The following TPP2 variants were observed in gnomAD, a reference collection of about 807,000 sequenced individuals.
TPP2 encodes the protein tripeptidyl peptidase 2, also known as tripeptidyl-peptidase 2.
TPP2 carries 34 observed loss-of-function variants against 155.9 expected under a neutral mutation model. The ratio of observed to expected loss-of-function variants is 0.22; its 90% confidence interval spans 0.17 to 0.29. The LOEUF is 0.29. Among genes scored for constraint, TPP2 ranks in the 10% least tolerant of loss-of-function variants. The probability of loss-of-function intolerance (pLI) is 1.00; values close to 1 mark genes in which losing one functional copy is unlikely to be tolerated. For missense variants in TPP2, 1,028 were observed against 1,522.3 expected (o/e 0.68, Z 5.40); for synonymous variants, 510 against 529.4 (o/e 0.96, Z 0.50).
At chr13:102,600,019 A>G (rs1879305027) in intron 1 of TPP2, among the ~76,000 whole-genome samples, 1 of 150,994 alleles carries the variant, frequency 6.6e-6, no homozygotes, top group Non-Finnish European at 1.5e-5. Context: ...TTATACCCTC[A>G]TTTAAAACAA....
chr13:102,658,178 C>G (rs1261019026), intron 25 of TPP2, among the ~76,000 whole-genome samples: 2 of 152,160 alleles, frequency 1.3e-5, no homozygotes, highest in Admixed American at 1.3e-4. Flanking sequence ...CTTTTTCCAT[C>G]TGTTATGCAA....
At chr13:102,635,765 T>TCTCAA in intron 12 of TPP2, 63 bp downstream of exon 12, 2 of 1,242,346 alleles carry the variant, frequency 1.6e-6, no homozygotes, top group Non-Finnish European at 2.3e-6. Context: ...TTAGATATTA[T>TCTCAA]TGGGTAATAT....
intron 6 of TPP2, 41 bp from the exon 7 acceptor site, chr13:102,626,971 C>T (rs754793361): frequency 8.9e-6 from 13 of 1,457,600 alleles, no homozygotes; most frequent in Non-Finnish European, 1.1e-5. Flanking sequence ...ACTTTCAGTC[C>T]ATGAGAATGT....
chr13:102,670,824 T>C (rs1307124108), intron 27 of TPP2, among the ~76,000 whole-genome samples: 1 of 152,196 alleles, frequency 6.6e-6, no homozygotes, highest in Non-Finnish European at 1.5e-5. Context: ...TACTGACCGG[T>C]AAGTTAGAAT....
At chr13:102,629,948 C>T (rs1806593253) in intron 9 of TPP2, 148 bp from the exon 10 acceptor site, 6 of 667,726 alleles carry the variant, frequency 9.0e-6, no homozygotes, top group Non-Finnish European at 1.2e-5. Flanking sequence ...AGTAGACTTT[C>T]CTTGTTTCCT....
chr13:102,650,091 G>A (rs1196937254), intron 23 of TPP2, among the ~76,000 whole-genome samples: 1 of 151,958 alleles, frequency 6.6e-6, no homozygotes, highest in Non-Finnish European at 1.5e-5. Context: ...TTGTACTTTA[G>A]ACATATATGT....
chr13:102,636,196 A>G (rs1161797506), intron 12 of TPP2, 28 bp from the exon 13 acceptor site: 2 of 1,566,720 alleles, frequency 1.3e-6, no homozygotes, highest in Non-Finnish European at 8.6e-7. Flanking sequence ...AACCATTTAT[A>G]TCTTACCATG....
At chr13:102,607,161 T>G (rs1030526506) in intron 2 of TPP2, among the ~76,000 whole-genome samples, 48 of 152,154 alleles carry the variant, frequency 3.2e-4, no homozygotes, top group Admixed American at 1.3e-3. Context: ...CCTAGAACTA[T>G]GAAAAAATAA....
chr13:102,625,507 C>G (rs563029565), intron 6 of TPP2, among the ~76,000 whole-genome samples: 1 of 152,156 alleles, frequency 6.6e-6, no homozygotes, highest in South Asian at 2.1e-4. Flanking sequence ...GGGCTGTACC[C>G]TTTTCACTCC....
chr13:102,601,138 G>A (rs1299428581), intron 1 of TPP2, among the ~76,000 whole-genome samples: 4 of 152,082 alleles, frequency 2.6e-5, no homozygotes, highest in Non-Finnish European at 5.9e-5. Flanking sequence ...GTCCTGTTTT[G>A]TCATCATCTC....
chr13:102,638,178 T>G, intron 14 of TPP2, 61 bp from the exon 15 acceptor site: 2 of 1,492,196 alleles, frequency 1.3e-6, no homozygotes, highest in Non-Finnish European at 1.9e-6. Context: ...AGTTTAGACC[T>G]TCCCCCGCTC....
At chr13:102,621,166 G>T (rs1215977438) in intron 5 of TPP2, among the ~76,000 whole-genome samples, 1 of 152,168 alleles carries the variant, frequency 6.6e-6, no homozygotes, top group African/African-American at 2.4e-5. Context: ...TTGATGTGTT[G>T]GTTGTATTGT....
chr13:102,654,584 C>T (rs1883726304), intron 24 of TPP2, among the ~76,000 whole-genome samples: 1 of 152,050 alleles, frequency 6.6e-6, no homozygotes, highest in Non-Finnish European at 1.5e-5. Context: ...GGAGGAAGTG[C>T]CTCACAACAC....
At chr13:102,626,417 TG>T (rs1881628381) in intron 6 of TPP2, among the ~76,000 whole-genome samples, 1 of 152,242 alleles carries the variant, frequency 6.6e-6, no homozygotes, top group African/African-American at 2.4e-5. Flanking sequence ...AATCTTGTGG[TG>T]GTTTTTAAGT....
intron 1 of TPP2, among the ~76,000 whole-genome samples, chr13:102,598,318 A>G (rs1282993905): frequency 3.3e-5 from 5 of 152,088 alleles, no homozygotes; most frequent in South Asian, 4.2e-4. Flanking sequence ...CCTCCCCACA[A>G]TGTCCCTTCC....
chr13:102,602,557 A>T (rs1352612119), intron 1 of TPP2, among the ~76,000 whole-genome samples: 1 of 152,220 alleles, frequency 6.6e-6, no homozygotes, highest in South Asian at 2.1e-4. Flanking sequence ...GTTCCATGGC[A>T]ACAAGATTGA....
rs567400701 is a variant in TPP2 at position 102,612,353 on chromosome 13, T to C, written c.295-1748T>C. Among the ~76,000 whole-genome samples the C allele has an allele frequency of 3.3e-5, 5 of 152,346 alleles. No individual in the cohort carries two copies. In the East Asian group the frequency reaches 7.7e-4, roughly 23 times the overall value. On this transcript the variant is annotated intron_variant, in intron 2 of 29. Transcript: ENST00000376052. ...AGAAAAATGTTTGATTTGTTAGGCA[T>C]CCTCTCTTTAAGAGAGTCAGAGAAA... is the stretch of plus-strand genomic sequence containing the variant.
At chr13:102,638,866 C>T (rs1425530669) in intron 15 of TPP2, among the ~76,000 whole-genome samples, 1 of 152,190 alleles carries the variant, frequency 6.6e-6, no homozygotes, top group Non-Finnish European at 1.5e-5. Context: ...GTTCAAGCTC[C>T]TTAAAATAGC....
chr13:102,608,614 C>T (rs1355778736), intron 2 of TPP2, among the ~76,000 whole-genome samples: 1 of 151,858 alleles, frequency 6.6e-6, no homozygotes, highest in Non-Finnish European at 1.5e-5. Context: ...TTGCAAAAGC[C>T]CCTTCATGTT....
Sources: gnomAD v4.1 joint callset for allele counts (sites outside exome capture counted in the v4.1 genomes callset) on GRCh38, gnomAD v4.1.1 for gene constraint, MANE v1.5 for transcripts, NCBI Gene and HGNC (gene_info 2026-07-23, HGNC 2026-07-21) for gene names.